DIAPH2: variants seen among roughly 807,000 people sequenced by gnomAD.
DIAPH2 encodes the protein protein diaphanous homolog 2.
In DIAPH2, 35 loss-of-function variants were observed where a neutral mutation model predicts 92.7. That is an observed-to-expected ratio of 0.38 (90% CI 0.29 to 0.50). The LOEUF (loss-of-function observed/expected upper bound fraction) is 0.50, where lower values mean the gene tolerates loss of function less well. Among genes scored for constraint, DIAPH2 ranks in the 20% least tolerant of loss-of-function variants. DIAPH2 has a pLI of 0.94. For synonymous variants in DIAPH2, 301 were observed against 280.4 expected, an observed-to-expected ratio of 1.07 and a Z score of -0.73; for missense variants, 701 against 819.5, an observed-to-expected ratio of 0.86 and a Z score of 1.77.
chrX:96,807,189 T>A (rs764472501), intron 4 of DIAPH2, among the ~76,000 whole-genome samples: 1 of 112,500 alleles, frequency 8.9e-6, no homozygotes, highest in South Asian at 3.7e-4. Context: ...AGGTTAATAA[T>A]CTGACTAGGC....
At chrX:96,771,537 CT>C (rs1296005594) in intron 4 of DIAPH2, among the ~76,000 whole-genome samples, 2 of 111,117 alleles carry the variant, frequency 1.8e-5, no homozygotes, top group African/African-American at 3.3e-5. Context: ...TATATGATGT[CT>C]TTTTTTGTGT....
Position 96,962,370 on chromosome X carries a change from T to C in DIAPH2, c.1936-2723T>C, listed in dbSNP as rs201244800. On this transcript the variant is annotated intron_variant, in intron 16 of 26. Transcript: ENST00000324765. ...ATATATACACATATATATATACACATATATATATACACATATATATACACA... is the reference window on the plus strand; with the variant it reads ...ATATATACACATATATATATACACACATATATATACACATATATATACACA... Among the ~76,000 whole-genome samples the C allele has an allele frequency of 1.2e-3, 63 of 51,667 alleles. 1 individual carries two copies. In the East Asian group the frequency reaches 0.024, roughly 19 times the overall value. 44.9% of individuals were successfully genotyped at this position (51,667 alleles called of 115,157 possible). A position where few individuals can be genotyped will look rare whatever the true frequency, so the allele number is the denominator to read the frequency against.
At chrX:96,939,425 G>A (rs774487509) in intron 12 of DIAPH2, 43 bp downstream of exon 12, 7 of 538,318 alleles carry the variant, frequency 1.3e-5, no homozygotes, top group Admixed American at 3.1e-5. Flanking sequence ...AATTTGAATC[G>A]GATATTAAAG....
At chrX:96,833,626 TACTC>T (rs1360896593) in intron 4 of DIAPH2, among the ~76,000 whole-genome samples, 1 of 111,470 alleles carries the variant, frequency 9.0e-6, no homozygotes, top group East Asian at 2.8e-4. Flanking sequence ...CCTTTTTACT[TACTC>T]AGTCTCATGA....
intron 23 of DIAPH2, among the ~76,000 whole-genome samples, chrX:97,275,683 C>T (rs1217829842): frequency 9.6e-5 from 10 of 104,659 alleles, no homozygotes; most frequent in Non-Finnish European, 1.4e-4. Context: ...CCAGACGGGG[C>T]GGCGGGGCAG....
chrX:96,687,837 C>T (rs774978703), intron 1 of DIAPH2, among the ~76,000 whole-genome samples: 1 of 110,748 alleles, frequency 9.0e-6, no homozygotes, highest in Admixed American at 9.6e-5. Context: ...CTCATAATGA[C>T]CCTTTTGTTT....
rs2067717233 is a variant in DIAPH2, at chrX:97,198,075, T to A, written c.2720-49640T>A. Among the ~76,000 whole-genome samples the A allele has an allele frequency of 4.5e-5, 5 of 110,907 alleles. No individual in the cohort carries two copies. The South Asian group carries it at 1.9e-3, about 43-fold the overall frequency. ...GAGTCAGCTGAAAACTATTTGTTTC[T>A]TTCAAAAGACAAGGGGAATGAATGA... On this transcript the variant is annotated intron_variant, in intron 22 of 26. Transcript: ENST00000324765.
intron 23 of DIAPH2, among the ~76,000 whole-genome samples, chrX:97,303,432 G>T (rs1377467333): frequency 9.0e-6 from 1 of 111,698 alleles, no homozygotes; most frequent in East Asian, 2.8e-4. Context: ...TCTTAGTCCT[G>T]TACTATTCAG....
At chrX:96,873,023 T>C (rs1292060999) in intron 4 of DIAPH2, among the ~76,000 whole-genome samples, 1 of 112,028 alleles carries the variant, frequency 8.9e-6, no homozygotes, top group Non-Finnish European at 1.9e-5. Flanking sequence ...GTGGCTATAC[T>C]AGTTTACATT....
chrX:96,900,260 G>C (rs2065383915), intron 5 of DIAPH2, among the ~76,000 whole-genome samples: 1 of 111,471 alleles, frequency 9.0e-6, no homozygotes, highest in Non-Finnish European at 1.9e-5. Flanking sequence ...CTGTTGTAAA[G>C]AGGGTCGAGT....
intron 23 of DIAPH2, among the ~76,000 whole-genome samples, chrX:97,287,077 A>G (rs1461413230): frequency 3.6e-5 from 4 of 111,777 alleles, no homozygotes; most frequent in African/African-American, 1.3e-4. Flanking sequence ...CAAAGGGAAT[A>G]TGAGAATTAT....
chrX:96,811,264 A>C (rs1010122469), intron 4 of DIAPH2, among the ~76,000 whole-genome samples: 33 of 110,891 alleles, frequency 3.0e-4, no homozygotes, highest in Non-Finnish European at 9.4e-5. Context: ...TAGGTATTTT[A>C]TTCTCTTTGA....
In DIAPH2 at chrX:97,217,246, G is replaced by A. The variant is rs370933766; in HGVS notation, c.2720-30469G>A. ...ACATTTAAAACTATGGGACTGTTGC[G>A]TCTCACTTCAAATTCATCTGGTTTC... On this transcript the variant is annotated intron_variant, in intron 22 of 26. Transcript: ENST00000324765. Among the ~76,000 whole-genome samples the A allele has an allele frequency of 4.5e-5, 5 of 111,579 alleles. No individual in the cohort carries two copies. The South Asian group carries it at 1.5e-3, about 34-fold the overall frequency.
chrX:96,816,723 G>T (rs1002468996), intron 4 of DIAPH2, among the ~76,000 whole-genome samples: 56 of 112,058 alleles, frequency 5.0e-4, no homozygotes, highest in African/African-American at 1.8e-3. Flanking sequence ...CCACTGCTGG[G>T]TATATACCCA....
At chrX:97,162,863 G>A (rs758446726) in intron 22 of DIAPH2, among the ~76,000 whole-genome samples, 10 of 110,777 alleles carry the variant, frequency 9.0e-5, no homozygotes, top group Middle Eastern at 9.2e-3. Flanking sequence ...TTGCTTTATG[G>A]TGCCCCTTTC....
chrX:97,578,823 C>T (rs1373143126), intron 26 of DIAPH2, among the ~76,000 whole-genome samples: 2 of 17,262 alleles, frequency 1.2e-4, no homozygotes, highest in African/African-American at 2.0e-4. Flanking sequence ...CACATCCTCT[C>T]CAGCACCTGT....
rs1195739189 is a variant in DIAPH2 at position 96,928,791 on chromosome X, A to T, written c.979-1942A>T. ...AATTGTTGTGTACTATAGTCAATGG[A>T]TGGAACGTCTTTGTTTTCATATTAA... On this transcript the variant is annotated intron_variant, in intron 9 of 26. Coordinates refer to ENST00000324765, the MANE Select transcript of DIAPH2 (RefSeq NM_006729.5). 5.7e-4 allele frequency among the ~76,000 whole-genome samples: 63 copies of T among 111,440 alleles called. 1 individual carries two copies. The Admixed American group carries it at 6.0e-3, about 11-fold the overall frequency.
Position 97,219,126 on chromosome X carries a change from A to T in DIAPH2, c.2720-28589A>T, listed in dbSNP as rs904357403. Among the ~76,000 whole-genome samples, 6 of 112,537 alleles carry T rather than the reference A, an allele frequency of 5.3e-5. No homozygotes were observed. In the Admixed American group the frequency reaches 5.7e-4, roughly 11 times the overall value. On this transcript the variant is annotated intron_variant, in intron 22 of 26. Coordinates refer to ENST00000324765, the MANE Select transcript of DIAPH2 (RefSeq NM_006729.5). The stretch of plus-strand genomic sequence containing the variant: ...TATGTTTTGTGTGTATGAAATTAGC[A>T]GAGTAGCATAGGCTACGTTGTGGAT...
At chrX:96,789,763 C>T (rs188969914) in intron 4 of DIAPH2, among the ~76,000 whole-genome samples, 4 of 112,025 alleles carry the variant, frequency 3.6e-5, no homozygotes, top group Non-Finnish European at 7.5e-5. Context: ...ACTCCCCCAA[C>T]TAGAGCTTGA....
Sources: gnomAD v4.1 joint callset for allele counts (sites outside exome capture counted in the v4.1 genomes callset) on GRCh38, gnomAD v4.1.1 for gene constraint, MANE v1.5 for transcripts, NCBI Gene and HGNC (gene_info 2026-07-23, HGNC 2026-07-21) for gene names.